Variants in LYPLAL1 observed in about 807,000 individuals in gnomAD.
The protein encoded by LYPLAL1 is lysophospholipase like 1, also known as lysophospholipase-like protein 1.
LYPLAL1 carries 23 observed loss-of-function variants against 19.7 expected under a neutral mutation model. That is an observed-to-expected ratio of 1.17 (90% CI 0.84 to 1.65). The LOEUF (loss-of-function observed/expected upper bound fraction) is 1.65, where lower values mean the gene tolerates loss of function less well. LYPLAL1 is among the 40% of genes most tolerant of loss of function. The probability of loss-of-function intolerance (pLI) is 0.00; values close to 1 mark genes in which losing one functional copy is unlikely to be tolerated. For missense variants in LYPLAL1, 355 were observed against 279.4 expected (o/e 1.27, Z -1.93); for synonymous variants, 119 against 96.3 (o/e 1.24, Z -1.38).
chr1:219,226,266 G>A, the LYPLAL1 span, among the ~76,000 whole-genome samples: 1 of 152,086 alleles, frequency 6.6e-6, no homozygotes, highest in Non-Finnish European at 1.5e-5. Flanking sequence ...TTTTTTAACT[G>A]CTAGTTTATT....
At chr1:219,257,884 C>T in the LYPLAL1 span, among the ~76,000 whole-genome samples, 1 of 151,958 alleles carries the variant, frequency 6.6e-6, no homozygotes, top group Non-Finnish European at 1.5e-5. Flanking sequence ...ATATTTCAGT[C>T]TTTATCTCAT....
At chr1:219,215,794 T>C (rs532739768), downstream of LYPLAL1, among the ~76,000 whole-genome samples, 35 of 152,128 alleles carry the variant, frequency 2.3e-4, no homozygotes, top group Non-Finnish European at 3.7e-4. Flanking sequence ...TTTCTGAGGG[T>C]TCACTGTCCT....
chr1:219,289,629 T>G, the LYPLAL1 span, among the ~76,000 whole-genome samples: 3 of 152,186 alleles, frequency 2.0e-5, no homozygotes, highest in African/African-American at 4.8e-5. Context: ...CTGCTTCAAG[T>G]AGAAAATTAC....
At chr1:219,284,078 T>A in the LYPLAL1 span, among the ~76,000 whole-genome samples, 3 of 152,204 alleles carry the variant, frequency 2.0e-5, no homozygotes, top group African/African-American at 7.2e-5. Flanking sequence ...GGAGATCTGA[T>A]GATTTTGTAA....
the LYPLAL1 span, among the ~76,000 whole-genome samples, chr1:219,355,642 G>A: frequency 6.6e-6 from 1 of 152,004 alleles, no homozygotes; most frequent in Non-Finnish European, 1.5e-5. Flanking sequence ...GACATTTATA[G>A]AACTTTATAC....
At chr1:219,317,270 T>C in the LYPLAL1 span, among the ~76,000 whole-genome samples, 11 of 152,342 alleles carry the variant, frequency 7.2e-5, no homozygotes, top group African/African-American at 2.6e-4. Context: ...GCAAGGACTT[T>C]CCTGTGTATC....
the LYPLAL1 span, among the ~76,000 whole-genome samples, chr1:219,419,206 A>T: frequency 6.6e-6 from 1 of 152,122 alleles, no homozygotes. Context: ...ATGTGCTAAG[A>T]GTATGTTTAG....
At chr1:219,306,488 A>G in the LYPLAL1 span, among the ~76,000 whole-genome samples, 2 of 152,204 alleles carry the variant, frequency 1.3e-5, no homozygotes, top group African/African-American at 2.4e-5. Context: ...TTAATAGAAC[A>G]TAAAGTCTAG....
At chr1:219,283,435 A>G in the LYPLAL1 span, among the ~76,000 whole-genome samples, 1 of 152,224 alleles carries the variant, frequency 6.6e-6, no homozygotes, top group African/African-American at 2.4e-5. Context: ...AAGGAGAAGC[A>G]GAGCAGTTTA....
intron 3 of LYPLAL1, chr1:219,198,399 T>C (rs1450068897): frequency 1.3e-5 from 2 of 152,078 alleles, no homozygotes; most frequent in African/African-American, 2.4e-5. Flanking sequence ...ATAAAAACTA[T>C]CAGAAATGTT....
chr1:219,417,891 G>A, the LYPLAL1 span, among the ~76,000 whole-genome samples: 2 of 152,242 alleles, frequency 1.3e-5, no homozygotes, highest in African/African-American at 4.8e-5. Context: ...ATGGACCAAG[G>A]TGCTGATACT....
the LYPLAL1 span, among the ~76,000 whole-genome samples, chr1:219,332,821 T>TG: frequency 1.5e-5 from 1 of 65,264 alleles, no homozygotes; most frequent in African/African-American, 6.5e-5. Flanking sequence ...GCTGATTTTC[T>TG]GCCCCCCCCC....
the LYPLAL1 span, among the ~76,000 whole-genome samples, chr1:219,396,065 T>C: frequency 6.8e-6 from 1 of 148,078 alleles, no homozygotes; most frequent in Non-Finnish European, 1.5e-5. Flanking sequence ...ATTGCACCAC[T>C]GTACTCTAGC....
At chr1:219,367,192 A>G in the LYPLAL1 span, among the ~76,000 whole-genome samples, 10,409 of 152,208 alleles carry the variant, frequency 0.068, 501 homozygotes, top group South Asian at 0.14. Context: ...CATTCTATTT[A>G]TAGCACTCTG....
chr1:219,348,524 T>C, the LYPLAL1 span, among the ~76,000 whole-genome samples: 1 of 152,322 alleles, frequency 6.6e-6, no homozygotes, highest in African/African-American at 2.4e-5. Context: ...AAAGAATATG[T>C]CTTCAGTCTT....
the LYPLAL1 span, among the ~76,000 whole-genome samples, chr1:219,363,628 T>C: frequency 2.0e-5 from 3 of 152,186 alleles, no homozygotes; most frequent in Non-Finnish European, 4.4e-5. Flanking sequence ...GTAAAACTTA[T>C]TCTTCTTCCC....
chr1:219,345,282 A>G, the LYPLAL1 span, among the ~76,000 whole-genome samples: 1 of 152,210 alleles, frequency 6.6e-6, no homozygotes, highest in African/African-American at 2.4e-5. Context: ...CACAGTAACC[A>G]TATAGCAACT....
the LYPLAL1 span, among the ~76,000 whole-genome samples, chr1:219,249,710 T>A: frequency 6.6e-6 from 1 of 152,068 alleles, no homozygotes; most frequent in East Asian, 1.9e-4. Flanking sequence ...TGGTAATTTC[T>A]ATCTTTTCTC....
the LYPLAL1 span, among the ~76,000 whole-genome samples, chr1:219,241,098 A>ATC: frequency 0.025 from 1,446 of 58,852 alleles, 43 homozygotes; most frequent in African/African-American, 0.039. Context: ...AATATATATA[A>ATC]TCTCTCTCTC....
Sources: gnomAD v4.1 joint callset for allele counts (sites outside exome capture counted in the v4.1 genomes callset) on GRCh38, gnomAD v4.1.1 for gene constraint, MANE v1.5 for transcripts, NCBI Gene and HGNC (gene_info 2026-07-23, HGNC 2026-07-21) for gene names.